Variants in CFDP1 observed in about 807,000 individuals in gnomAD.
CFDP1 encodes chromatin remodeling protein CFDP1, also known as heterochromatin-stabilizing protein CFDP1.
Under a neutral mutation model 40.1 loss-of-function variants are expected in CFDP1, and 31 were observed. That is an observed-to-expected ratio of 0.77 (90% CI 0.58 to 1.04). CFDP1 has a LOEUF of 1.04. CFDP1 is among the 50% of genes least tolerant of loss of function. CFDP1 has a pLI of 0.00. For missense variants in CFDP1, 423 were observed against 343.4 expected, an observed-to-expected ratio of 1.23 and a Z score of -1.83; for synonymous variants, 167 against 120.0, an observed-to-expected ratio of 1.39 and a Z score of -2.56.
rs190976578 is a variant in CFDP1, at chr16:75,426,669, C to A, written c.64+6620G>T. On this transcript the variant is annotated intron_variant, in intron 1 of 6. Coordinates refer to ENST00000283882, the MANE Select transcript of CFDP1 (RefSeq NM_006324.3). ...CCAGCCTGGGCAACAGAGCAAGACT[C>A]TGTTTCAAAAAAACACCAAAAAAAA... Among the ~76,000 whole-genome samples, 5 of 152,136 alleles carry A rather than the reference C, an allele frequency of 3.3e-5. No homozygotes were observed. In the East Asian group the frequency reaches 9.7e-4, roughly 29 times the overall value.
intron 5 of CFDP1, among the ~76,000 whole-genome samples, chr16:75,343,360 A>G (rs537292375): frequency 7.2e-5 from 11 of 151,748 alleles, no homozygotes; most frequent in Non-Finnish European, 1.6e-4. Flanking sequence ...TCCACCTCTG[A>G]GCAGTCCTCA....
chr16:75,430,160 GTTTT>G (rs869033054), intron 1 of CFDP1, among the ~76,000 whole-genome samples: 4 of 114,534 alleles, frequency 3.5e-5, no homozygotes, highest in African/African-American at 5.4e-5. Context: ...GAGACCAGAG[GTTTT>G]TTTTGTTTGT....
chr16:75,390,014 A>G (rs2078934054), intron 5 of CFDP1, among the ~76,000 whole-genome samples: 1 of 152,226 alleles, frequency 6.6e-6, no homozygotes, highest in South Asian at 2.1e-4. Context: ...TACAACTCTA[A>G]GGACTTTTAC....
At chr16:75,340,832 C>T (rs529031292) in intron 5 of CFDP1, among the ~76,000 whole-genome samples, 7 of 152,192 alleles carry the variant, frequency 4.6e-5, no homozygotes, top group African/African-American at 1.7e-4. Context: ...GAGGTCAATG[C>T]GAGGACCAGC....
At chr16:75,399,041 A>G (rs1367079389) in intron 4 of CFDP1, among the ~76,000 whole-genome samples, 1 of 137,042 alleles carries the variant, frequency 7.3e-6, no homozygotes, top group Non-Finnish European at 1.5e-5. Context: ...TGGGAGACAG[A>G]GCGAGACTCC....
intron 5 of CFDP1, among the ~76,000 whole-genome samples, chr16:75,319,507 T>C (rs1386447740): frequency 6.6e-6 from 1 of 152,038 alleles, no homozygotes; most frequent in Non-Finnish European, 1.5e-5. Flanking sequence ...TGAAGGTCAT[T>C]TTTCAGCACT....
intron 5 of CFDP1, among the ~76,000 whole-genome samples, chr16:75,377,589 G>A (rs762038512): frequency 5.3e-5 from 8 of 152,198 alleles, no homozygotes; most frequent in Non-Finnish European, 4.4e-5. Flanking sequence ...AAATGTGAGA[G>A]AAGATATGAA....
intron 5 of CFDP1, chr16:75,306,447 C>A (rs1029439856): frequency 6.6e-6 from 1 of 152,226 alleles, no homozygotes; most frequent in Non-Finnish European, 1.5e-5. Context: ...ACTGCTGGGA[C>A]TGAACAATGA....
chr16:75,350,219 T>C (rs561649156), intron 5 of CFDP1, among the ~76,000 whole-genome samples: 3 of 152,352 alleles, frequency 2.0e-5, no homozygotes, highest in African/African-American at 7.2e-5. Context: ...TGCAAGTTTT[T>C]GTGTGGATAT....
intron 5 of CFDP1, among the ~76,000 whole-genome samples, chr16:75,308,615 C>T (rs575466333): frequency 6.6e-6 from 1 of 152,290 alleles, no homozygotes; most frequent in African/African-American, 2.4e-5. Flanking sequence ...ATCAGATATT[C>T]GCAGAACTAA....
At chr16:75,312,808 A>G (rs959942936) in intron 5 of CFDP1, among the ~76,000 whole-genome samples, 3 of 152,160 alleles carry the variant, frequency 2.0e-5, no homozygotes, top group Non-Finnish European at 4.4e-5. Context: ...TATATAAGAC[A>G]CCACCATCCA....
chr16:75,378,829 A>C (rs1394012655), intron 5 of CFDP1, among the ~76,000 whole-genome samples: 1 of 152,232 alleles, frequency 6.6e-6, no homozygotes, highest in Non-Finnish European at 1.5e-5. Context: ...AGAATATACA[A>C]GACAGACCAC....
intron 1 of CFDP1, among the ~76,000 whole-genome samples, chr16:75,422,720 C>CAA (rs71380735): frequency 1.5e-4 from 22 of 147,022 alleles, no homozygotes; most frequent in Non-Finnish European, 2.3e-4. Context: ...AAACTGTGAT[C>CAA]AAAAAAAAAA....
At chr16:75,365,380 C>T (rs1404712204) in intron 5 of CFDP1, among the ~76,000 whole-genome samples, 1 of 152,102 alleles carries the variant, frequency 6.6e-6, no homozygotes, top group African/African-American at 2.4e-5. Flanking sequence ...CAAAGCCAGG[C>T]AGAAATTGGA....
chr16:75,431,750 G>C lies in CFDP1; in HGVS notation c.64+1539C>G, dbSNP rs140058640. 5.8e-3 allele frequency among the ~76,000 whole-genome samples: 889 copies of C among 152,300 alleles called. 7 individuals are homozygous for C. The highest frequency in any genetic ancestry group is 0.02 in the African/African-American group (843 of 41,572). Reference sequence around the variant, plus strand: ...GTGGAAGTGTTTGTGTGTGTGTTTGGGATGAGGGGAAGGAGGTCAGGGGCT... The same window carrying C: ...GTGGAAGTGTTTGTGTGTGTGTTTGCGATGAGGGGAAGGAGGTCAGGGGCT... On this transcript the variant is annotated intron_variant, in intron 1 of 6. Transcript: ENST00000283882.
intron 4 of CFDP1, among the ~76,000 whole-genome samples, chr16:75,404,561 C>T (rs1330058924): frequency 1.3e-5 from 2 of 152,044 alleles, no homozygotes; most frequent in Non-Finnish European, 2.9e-5. Flanking sequence ...CTAACTTATC[C>T]CCATCAATGC....
chr16:75,385,276 A>G (rs543143317), intron 5 of CFDP1, among the ~76,000 whole-genome samples: 1 of 152,224 alleles, frequency 6.6e-6, no homozygotes, highest in South Asian at 2.1e-4. Context: ...TTATCATAGC[A>G]CAGGGAAGGA....
intron 4 of CFDP1, among the ~76,000 whole-genome samples, chr16:75,398,405 G>A (rs1431019303): frequency 1.3e-5 from 2 of 152,188 alleles, no homozygotes; most frequent in Non-Finnish European, 1.5e-5. Context: ...GTTAGAGGGG[G>A]AGTCTGTGTC....
At chr16:75,353,407 A>T (rs1433162224) in intron 5 of CFDP1, among the ~76,000 whole-genome samples, 1 of 152,028 alleles carries the variant, frequency 6.6e-6, no homozygotes, top group Non-Finnish European at 1.5e-5. Context: ...TATATACAAT[A>T]CCTGAAATTT....
Sources: allele counts gnomAD v4.1 joint callset (sites outside exome capture counted in the v4.1 genomes callset), GRCh38; gene constraint gnomAD v4.1.1; transcripts MANE v1.5; gene names NCBI Gene and HGNC (gene_info 2026-07-23, HGNC 2026-07-21).